The following LRP5 variants were observed in gnomAD, a reference collection of about 807,000 sequenced individuals.
LRP5 encodes low-density lipoprotein receptor-related protein 5.
Under a neutral mutation model 154.1 loss-of-function variants are expected in LRP5, and 62 were observed. The observed-to-expected ratio is 0.40, with a 90% confidence interval of 0.33 to 0.50. The LOEUF is 0.50. Ranked by LOEUF, LRP5 falls within the 20% of genes least tolerant of loss-of-function variation. The pLI, the probability that LRP5 is intolerant of heterozygous loss-of-function variation, is 0.55. For missense variants in LRP5, 1,915 were observed against 2,336.7 expected, an observed-to-expected ratio of 0.82 and a Z score of 3.72; for synonymous variants, 966 against 1,011.5, an observed-to-expected ratio of 0.96 and a Z score of 0.85.
At position 68,312,823 on chromosome 11, in the gene LRP5, G is replaced by T; in HGVS notation, c.91+18G>T. On this transcript the variant is annotated intron_variant, in intron 1 of 22. Transcript: ENST00000294304. ...CGCCGCGGGTAGGTGGGCGCAGGCC[G>T]GCCGGGGGCCGCGGGTTGCTCGGAC... 9.7e-7 allele frequency: 1 copy of T among 1,028,780 alleles called. No homozygotes were observed. 63.7% of individuals were successfully genotyped at this position (1,028,780 alleles called of 1,614,324 possible). A position where few individuals can be genotyped will look rare whatever the true frequency, so the allele number is the denominator to read the frequency against.
chr11:68,405,469 CAAAAA>C (rs772035158), intron 8 of LRP5, among the ~76,000 whole-genome samples: 3 of 55,862 alleles, frequency 5.4e-5, no homozygotes, highest in Non-Finnish European at 3.6e-5. Flanking sequence ...GACCCTGTCT[CAAAAA>C]AAAAAAAAAA....
chr11:68,335,222 A>G (rs1376908224), intron 1 of LRP5, among the ~76,000 whole-genome samples: 2 of 151,840 alleles, frequency 1.3e-5, no homozygotes, highest in Non-Finnish European at 2.9e-5. Flanking sequence ...GACTATAGGC[A>G]TGCACCACCA....
At chr11:68,445,633 C>A in intron 21 of LRP5, 1 of 1,318,782 alleles carries the variant, frequency 7.6e-7, no homozygotes. Flanking sequence ...AAGCCCTACA[C>A]CCTTTGGGAA....
chr11:68,438,765 T>C (rs1224749266), intron 20 of LRP5, 83 bp downstream of exon 20: 2 of 1,215,762 alleles, frequency 1.6e-6, no homozygotes, highest in Non-Finnish European at 2.4e-6. Flanking sequence ...AGGGATGTGC[T>C]ACCCCAGGCC....
At chr11:68,427,945 A>G (rs191714389) in intron 16 of LRP5, among the ~76,000 whole-genome samples, 1,070 of 79,572 alleles carry the variant, frequency 0.013, 10 homozygotes, top group African/African-American at 0.054. Context: ...TCCATTTGCT[A>G]TTTTATTTTA....
At chr11:68,385,419 C>G (rs1340727626) in intron 5 of LRP5, among the ~76,000 whole-genome samples, 1 of 152,130 alleles carries the variant, frequency 6.6e-6, no homozygotes, top group African/African-American at 2.4e-5. Context: ...CTTGCCTGTT[C>G]TCTGTGGGAC....
intron 1 of LRP5, among the ~76,000 whole-genome samples, chr11:68,343,085 C>T (rs2098610086): frequency 6.6e-6 from 1 of 152,218 alleles, no homozygotes; most frequent in African/African-American, 2.4e-5. Flanking sequence ...GGCCTGTTGT[C>T]TGTGGGATCC....
intron 5 of LRP5, among the ~76,000 whole-genome samples, chr11:68,373,785 G>A (rs902525520): frequency 3.3e-4 from 50 of 152,340 alleles, no homozygotes; most frequent in African/African-American, 9.9e-4. Flanking sequence ...AGTTGCCACC[G>A]CCATCCTCGG....
chr11:68,334,867 A>AAAAAT (rs775374125), intron 1 of LRP5, among the ~76,000 whole-genome samples: 16 of 152,272 alleles, frequency 1.1e-4, no homozygotes, highest in East Asian at 3.9e-4. Context: ...CTCTGTCTCA[A>AAAAAT]AAAATAAAAT....
chr11:68,348,707 G>A lies in LRP5; in HGVS notation c.488+464G>A, dbSNP rs1253702671. On this transcript the variant is annotated intron_variant, in intron 2 of 22. Coordinates refer to ENST00000294304, the MANE Select transcript of LRP5 (RefSeq NM_002335.4). ...GCCTGTAATCCCAGCACTCTGGGAG[G>A]CCAAGGCGGGCAGATCACCTGAGTC... Among the ~76,000 whole-genome samples the A allele has an allele frequency of 3.3e-5, 5 of 152,362 alleles. No individual in the cohort carries two copies. The East Asian group carries it at 9.7e-4, about 29-fold the overall frequency.
chr11:68,417,608 G>A (rs1319184810), intron 13 of LRP5, among the ~76,000 whole-genome samples: 1 of 151,556 alleles, frequency 6.6e-6, no homozygotes, highest in Non-Finnish European at 1.5e-5. Context: ...TTACAGGCAT[G>A]AGCCACCGCG....
chr11:68,359,203 C>T (rs1438861128), intron 3 of LRP5, among the ~76,000 whole-genome samples: 2 of 152,170 alleles, frequency 1.3e-5, no homozygotes, highest in Non-Finnish European at 2.9e-5. Flanking sequence ...TGAGGGTACA[C>T]TCAAGCTCCT....
At chr11:68,308,748 C>CT (rs1311679114), upstream of LRP5, among the ~76,000 whole-genome samples, 74 of 145,986 alleles carry the variant, frequency 5.1e-4, no homozygotes, top group Non-Finnish European at 5.2e-4. Context: ...CAGCCCCTTT[C>CT]TTTTTTTTTT....
chr11:68,401,988 C>A (rs1218027707), intron 7 of LRP5, among the ~76,000 whole-genome samples: 1 of 152,198 alleles, frequency 6.6e-6, no homozygotes, highest in African/African-American at 2.4e-5. Context: ...TCACACTGTG[C>A]CTGGCCCTAG....
chr11:68,388,561 C>T (rs2098644294), intron 6 of LRP5, among the ~76,000 whole-genome samples: 1 of 151,912 alleles, frequency 6.6e-6, no homozygotes. Flanking sequence ...TGAGCTGCCA[C>T]CCCAGGATCT....
At chr11:68,341,849 T>G (rs955718364) in intron 1 of LRP5, among the ~76,000 whole-genome samples, 1 of 152,174 alleles carries the variant, frequency 6.6e-6, no homozygotes, top group Non-Finnish European at 1.5e-5. Context: ...GTAACATTAC[T>G]AAGGTGTCCT....
chr11:68,361,680 G>A (rs1181339321), intron 3 of LRP5, among the ~76,000 whole-genome samples: 6 of 151,980 alleles, frequency 3.9e-5, no homozygotes, highest in Non-Finnish European at 7.4e-5. Context: ...AAATTAGCTG[G>A]CCATGGTGGT....
At chr11:68,437,911 G>A (rs929196386) in intron 19 of LRP5, among the ~76,000 whole-genome samples, 7 of 152,378 alleles carry the variant, frequency 4.6e-5, no homozygotes, top group African/African-American at 1.4e-4. Context: ...CTTCATCGAC[G>A]CCCTCAGGAT....
chr11:68,409,238 AT>A (rs2098657952), intron 9 of LRP5, among the ~76,000 whole-genome samples: 1 of 140,580 alleles, frequency 7.1e-6, no homozygotes, highest in Admixed American at 7.5e-5. Flanking sequence ...TAAAATATAT[AT>A]TATATAATAT....
Sources: gnomAD v4.1 joint callset for allele counts (sites outside exome capture counted in the v4.1 genomes callset) on GRCh38, gnomAD v4.1.1 for gene constraint, MANE v1.5 for transcripts, NCBI Gene and HGNC (gene_info 2026-07-23, HGNC 2026-07-21) for gene names.